SPOCK1: variants seen among roughly 807,000 people sequenced by gnomAD.
SPOCK1 encodes the protein SPARC (osteonectin), cwcv and kazal like domains proteoglycan 1, also known as testican-1.
SPOCK1 carries 23 observed loss-of-function variants against 55.3 expected under a neutral mutation model. The ratio of observed to expected loss-of-function variants is 0.42; its 90% confidence interval spans 0.30 to 0.59. The LOEUF is 0.59. Among genes scored for constraint, SPOCK1 ranks in the 20% least tolerant of loss-of-function variants. The pLI, the probability that SPOCK1 is intolerant of heterozygous loss-of-function variation, is 0.22. For synonymous variants in SPOCK1, 226 were observed against 221.0 expected (o/e 1.02, Z -0.20); for missense variants, 499 against 552.5 (o/e 0.90, Z 0.97).
chr5:136,995,956 T>A (rs183611591), intron 6 of SPOCK1, among the ~76,000 whole-genome samples: 1 of 152,222 alleles, frequency 6.6e-6, no homozygotes, highest in Admixed American at 6.5e-5. Flanking sequence ...TTCAACCGAA[T>A]GGTCTGTATG....
At position 137,239,920 on chromosome 5, in the gene SPOCK1, C is replaced by T. The variant is rs962214358; in HGVS notation, c.232+27090G>A. 2.6e-5 allele frequency among the ~76,000 whole-genome samples: 4 copies of T among 152,144 alleles called. No homozygotes were observed. In the East Asian group the frequency reaches 7.7e-4, roughly 29 times the overall value. ...TACTTAGAAAGTCTAAAAGAATAAG[C>T]TAAAAAAACTATAATAAACCCAACA... On this transcript the variant is annotated intron_variant, in intron 3 of 10. Coordinates refer to ENST00000394945, the MANE Select transcript of SPOCK1 (RefSeq NM_004598.4).
At chr5:137,295,861 T>C (rs1056009464) in intron 2 of SPOCK1, among the ~76,000 whole-genome samples, 2 of 152,218 alleles carry the variant, frequency 1.3e-5, no homozygotes, top group African/African-American at 4.8e-5. Context: ...ATCACCTTCC[T>C]GAATCTTCTG....
At chr5:137,030,334 C>T (rs1399364669) in intron 6 of SPOCK1, among the ~76,000 whole-genome samples, 3 of 152,204 alleles carry the variant, frequency 2.0e-5, no homozygotes, top group African/African-American at 7.2e-5. Context: ...AAGGTCTGAT[C>T]CAGGAGGACA....
At chr5:137,363,066 C>G (rs201826546) in intron 2 of SPOCK1, among the ~76,000 whole-genome samples, 49 of 152,190 alleles carry the variant, frequency 3.2e-4, no homozygotes, top group Non-Finnish European at 6.2e-4. Flanking sequence ...CCTCCTTCAC[C>G]ACATGAACAC....
At chr5:137,212,665 A>T (rs922552352) in intron 3 of SPOCK1, among the ~76,000 whole-genome samples, 2 of 152,186 alleles carry the variant, frequency 1.3e-5, no homozygotes, top group African/African-American at 4.8e-5. Context: ...TCCATGACTG[A>T]CCTAGAGGCC....
chr5:137,390,357 C>A (rs1194131465), intron 2 of SPOCK1, among the ~76,000 whole-genome samples: 1 of 152,172 alleles, frequency 6.6e-6, no homozygotes, highest in Non-Finnish European at 1.5e-5. Flanking sequence ...GCCTCCCAGC[C>A]TAACTCATAT....
intron 4 of SPOCK1, among the ~76,000 whole-genome samples, chr5:137,133,336 C>A (rs1467190137): frequency 6.6e-6 from 1 of 150,474 alleles, no homozygotes; most frequent in African/African-American, 2.5e-5. Context: ...CACCACTGCA[C>A]TCCAGCCTGG....
chr5:137,062,014 G>A (rs975068108), intron 6 of SPOCK1, among the ~76,000 whole-genome samples: 2 of 152,132 alleles, frequency 1.3e-5, no homozygotes, highest in Admixed American at 6.5e-5. Flanking sequence ...CTGATGGCAC[G>A]CAAGGATCTT....
chr5:137,217,668 T>C (rs188106243), intron 3 of SPOCK1, among the ~76,000 whole-genome samples: 30 of 152,350 alleles, frequency 2.0e-4, no homozygotes, highest in African/African-American at 7.2e-4. Flanking sequence ...GTACTCACTG[T>C]ACTTCTTATA....
chr5:137,271,274 G>A (rs550053266), intron 2 of SPOCK1, among the ~76,000 whole-genome samples: 2 of 151,138 alleles, frequency 1.3e-5, no homozygotes, highest in African/African-American at 2.4e-5. Flanking sequence ...ATTGGCACTC[G>A]ATGGCTGGTG....
At chr5:137,151,353 T>C (rs1254436252) in intron 3 of SPOCK1, among the ~76,000 whole-genome samples, 1 of 152,184 alleles carries the variant, frequency 6.6e-6, no homozygotes, top group Non-Finnish European at 1.5e-5. Context: ...AAAATGTATA[T>C]AAACTTGTAT....
At chr5:137,247,362 C>T (rs894120021) in intron 3 of SPOCK1, among the ~76,000 whole-genome samples, 4 of 151,866 alleles carry the variant, frequency 2.6e-5, no homozygotes, top group African/African-American at 7.3e-5. Flanking sequence ...GTTTAGACTC[C>T]CCCTTGATTC....
chr5:137,330,250 A>G (rs761504062), intron 2 of SPOCK1, among the ~76,000 whole-genome samples: 7 of 152,166 alleles, frequency 4.6e-5, no homozygotes, highest in Non-Finnish European at 1.0e-4. Context: ...GGGGATGGAA[A>G]CTATAATTGC....
At position 137,380,551 on chromosome 5, in the gene SPOCK1, T is replaced by C. The variant is rs114543120; in HGVS notation, c.187-113496A>G. Among the ~76,000 whole-genome samples, 1,326 of 152,194 alleles carry C rather than the reference T, an allele frequency of 8.7e-3. 22 individuals are homozygous for C. Among genetic ancestry groups the C allele is most frequent in the African/African-American group, 0.03 (1,260 of 41,522 alleles). Reference sequence around the variant, plus strand: ...AATTCCATGGGCTTAACAGGAAACATGACTAGGAAGCATCAGGAAACTTAA... The same window carrying C: ...AATTCCATGGGCTTAACAGGAAACACGACTAGGAAGCATCAGGAAACTTAA... On this transcript the variant is annotated intron_variant, in intron 2 of 10. Transcript: ENST00000394945.
chr5:137,445,856 T>C (rs914843236), intron 2 of SPOCK1, among the ~76,000 whole-genome samples: 1 of 152,164 alleles, frequency 6.6e-6, no homozygotes, highest in African/African-American at 2.4e-5. Flanking sequence ...CTAATAGATA[T>C]ATTATGCTCT....
intron 2 of SPOCK1, among the ~76,000 whole-genome samples, chr5:137,404,748 G>C (rs1382937619): frequency 6.6e-6 from 1 of 151,966 alleles, no homozygotes; most frequent in Non-Finnish European, 1.5e-5. Context: ...GTTGGTACAG[G>C]CCAAACAAAC....
intron 2 of SPOCK1, among the ~76,000 whole-genome samples, chr5:137,356,718 GGAGCAGAGGTTGCAGT>G (rs879757035): frequency 6.8e-4 from 100 of 147,122 alleles, no homozygotes; most frequent in Admixed American, 2.1e-3. Flanking sequence ...TTGAACCCAT[GGAGCAGAGGTTGCAGT>G]GAGCTGAGAT....
intron 3 of SPOCK1, among the ~76,000 whole-genome samples, chr5:137,204,106 GT>G (rs1262404678): frequency 1.3e-5 from 2 of 152,146 alleles, no homozygotes; most frequent in African/African-American, 4.8e-5. Context: ...CTCTAGCCTT[GT>G]TTTACTCCTC....
chr5:136,992,133 C>T (rs1278406504), intron 7 of SPOCK1, among the ~76,000 whole-genome samples: 1 of 152,158 alleles, frequency 6.6e-6, no homozygotes, highest in East Asian at 1.9e-4. Flanking sequence ...CTATTCACAA[C>T]ATGAAAAGAT....
Sources: allele counts gnomAD v4.1 joint callset (sites outside exome capture counted in the v4.1 genomes callset), GRCh38; gene constraint gnomAD v4.1.1; transcripts MANE v1.5; gene names NCBI Gene and HGNC (gene_info 2026-07-23, HGNC 2026-07-21).